The following NTRK3 variants were observed in gnomAD, a reference collection of about 807,000 sequenced individuals.
NTRK3 encodes NT-3 growth factor receptor.
In NTRK3, 24 loss-of-function variants were observed where a neutral mutation model predicts 91.7. That is an observed-to-expected ratio of 0.26 (90% CI 0.19 to 0.37). The LOEUF (loss-of-function observed/expected upper bound fraction) is 0.37, where lower values mean the gene tolerates loss of function less well. NTRK3 is among the 10% of genes least tolerant of loss of function. The pLI, the probability that NTRK3 is intolerant of heterozygous loss-of-function variation, is 1.00. For missense variants in NTRK3, 880 were observed against 1,068.9 expected (o/e 0.82, Z 2.46); for synonymous variants, 483 against 404.0 (o/e 1.20, Z -2.34).
intron 3 of NTRK3, among the ~76,000 whole-genome samples, chr15:88,238,274 T>C (rs1187991682): frequency 6.6e-6 from 1 of 152,178 alleles, no homozygotes; most frequent in East Asian, 1.9e-4. Context: ...ATATGAGGAT[T>C]TTAATATTGT....
intron 14 of NTRK3, among the ~76,000 whole-genome samples, chr15:87,959,452 C>T (rs1467418765): frequency 6.6e-6 from 1 of 152,186 alleles, no homozygotes; most frequent in African/African-American, 2.4e-5. Context: ...GAGATGGCTG[C>T]AGCTTCAGCA....
chr15:88,073,506 C>A (rs963086938), intron 13 of NTRK3, among the ~76,000 whole-genome samples: 3 of 152,148 alleles, frequency 2.0e-5, no homozygotes, highest in Non-Finnish European at 2.9e-5. Context: ...TCAAGCTGGA[C>A]AACCATGGGC....
chr15:87,869,103 G>C (rs1197854566), exon 19 of NTRK3: 1 of 228,820 alleles, frequency 4.4e-6, no homozygotes, highest in African/African-American at 2.2e-5. Context: ...TTAATTTGCA[G>C]TTCCCTCAGG....
intron 17 of NTRK3, among the ~76,000 whole-genome samples, chr15:87,882,723 T>C (rs2065320177): frequency 6.6e-6 from 1 of 152,110 alleles, no homozygotes; most frequent in Admixed American, 6.5e-5. Flanking sequence ...ATTAACACTT[T>C]AAATTTAAAT....
At chr15:88,033,216 A>ATATATATATATATATATATAT (rs1567262261) in intron 13 of NTRK3, among the ~76,000 whole-genome samples, 171 bp from the exon 14 acceptor site, 22 of 121,980 alleles carry the variant, frequency 1.8e-4, no homozygotes, top group African/African-American at 3.8e-4. Flanking sequence ...ATATATATAT[A>ATATATATATATATATATATAT]AATTCAGTTG....
intron 13 of NTRK3, among the ~76,000 whole-genome samples, chr15:88,057,611 G>A (rs2045838325): frequency 6.6e-6 from 1 of 152,228 alleles, no homozygotes; most frequent in Admixed American, 6.5e-5. Context: ...TTCAAGGAGA[G>A]CAAAGGTCCT....
At chr15:88,137,793 C>T (rs965195366) in intron 6 of NTRK3, among the ~76,000 whole-genome samples, 3 of 152,234 alleles carry the variant, frequency 2.0e-5, no homozygotes, top group African/African-American at 7.2e-5. Context: ...TGGCTCATGC[C>T]TGTAATCCCA....
chr15:88,171,926 G>T (rs982011520), intron 5 of NTRK3, among the ~76,000 whole-genome samples: 14 of 152,276 alleles, frequency 9.2e-5, no homozygotes, highest in Non-Finnish European at 1.8e-4. Flanking sequence ...ACATCATTGA[G>T]AGGGTCATAC....
chr15:88,033,057 A>G lies in NTRK3; in HGVS notation c.1397-12T>C, dbSNP rs756596300. On this transcript the variant is annotated splice_polypyrimidine_tract_variant and intron_variant, in intron 13 of 18. Transcript: ENST00000394480. ...GACAGCCACGGGACCTGCACACACC[A>G]AGAGAGACGCAGGACCTGGTGACGT... is the stretch of plus-strand genomic sequence containing the variant. 6.4e-7 allele frequency: 1 copy of G among 1,564,814 alleles called. No individual in the cohort carries two copies. The highest frequency in any genetic ancestry group is 2.3e-5 in the East Asian group (1 of 42,820).
intron 5 of NTRK3, among the ~76,000 whole-genome samples, chr15:88,148,457 G>A (rs1243305640): frequency 6.6e-6 from 1 of 152,136 alleles, no homozygotes; most frequent in Non-Finnish European, 1.5e-5. Context: ...TCAGAGAGAG[G>A]TGCCTTCTGA....
chr15:87,860,299 T>A, exon 19 of NTRK3: 1 of 213,414 alleles, frequency 4.7e-6, no homozygotes, highest in East Asian at 6.9e-5. Context: ...ATCATCCTTT[T>A]GTATTAAACA....
At chr15:87,925,455 A>G in intron 17 of NTRK3, 1 of 198,308 alleles carries the variant, frequency 5.0e-6, no homozygotes, top group Non-Finnish European at 1.0e-5. Flanking sequence ...ACACACACAC[A>G]CACACACACA....
intron 3 of NTRK3, among the ~76,000 whole-genome samples, chr15:88,251,000 C>T (rs902667247): frequency 6.6e-6 from 1 of 152,240 alleles, no homozygotes; most frequent in African/African-American, 2.4e-5. Context: ...CTTTTCCTGG[C>T]CCTGAGCCCA....
At chr15:88,134,207 G>A (rs2151181991) in intron 10 of NTRK3, among the ~76,000 whole-genome samples, 1 of 152,270 alleles carries the variant, frequency 6.6e-6, no homozygotes, top group African/African-American at 2.4e-5. Context: ...GAAGCACCAA[G>A]CTCAGCAAAG....
chr15:88,022,051 C>T (rs970863560), intron 14 of NTRK3, among the ~76,000 whole-genome samples: 11 of 152,154 alleles, frequency 7.2e-5, no homozygotes, highest in Admixed American at 3.9e-4. Context: ...CCTGGCTTCT[C>T]CCTGTGAAAA....
intron 13 of NTRK3, among the ~76,000 whole-genome samples, chr15:88,047,304 T>G (rs1388957256): frequency 6.6e-6 from 1 of 152,158 alleles, no homozygotes; most frequent in Non-Finnish European, 1.5e-5. Flanking sequence ...CCATGAGTGA[T>G]GTATATAATA....
chr15:88,166,960 T>C (rs985782791), intron 5 of NTRK3, among the ~76,000 whole-genome samples: 4 of 152,176 alleles, frequency 2.6e-5, no homozygotes, highest in African/African-American at 9.6e-5. Flanking sequence ...GTACATTCCA[T>C]GAATTTTCTC....
At chr15:88,181,303 A>T (rs1356118623) in intron 5 of NTRK3, among the ~76,000 whole-genome samples, 2 of 152,110 alleles carry the variant, frequency 1.3e-5, no homozygotes, top group Non-Finnish European at 2.9e-5. Context: ...AACCTCCACC[A>T]GCCTCTATCG....
intron 3 of NTRK3, among the ~76,000 whole-genome samples, chr15:88,222,146 TG>T (rs1217793408): frequency 3.9e-5 from 6 of 152,206 alleles, no homozygotes; most frequent in Non-Finnish European, 7.3e-5. Flanking sequence ...GGAATGCACG[TG>T]GGTCAGAACT....
Sources: gnomAD v4.1 joint callset for allele counts (sites outside exome capture counted in the v4.1 genomes callset) on GRCh38, gnomAD v4.1.1 for gene constraint, MANE v1.5 for transcripts, NCBI Gene and HGNC (gene_info 2026-07-23, HGNC 2026-07-21) for gene names.